The following ZNF652 variants were observed in gnomAD, a reference collection of about 807,000 sequenced individuals.
ZNF652 encodes the protein zinc finger protein 652.
ZNF652 carries 16 observed loss-of-function variants against 45.2 expected under a neutral mutation model. That is an observed-to-expected ratio of 0.35 (90% CI 0.24 to 0.54). The LOEUF (loss-of-function observed/expected upper bound fraction) is 0.54, where lower values mean the gene tolerates loss of function less well. ZNF652 is among the 20% of genes least tolerant of loss of function. The probability of loss-of-function intolerance (pLI) is 0.91; values close to 1 mark genes in which losing one functional copy is unlikely to be tolerated. For missense variants in ZNF652, 614 were observed against 765.6 expected (o/e 0.80, Z 2.34); for synonymous variants, 250 against 260.6 (o/e 0.96, Z 0.39).
At chr17:49,340,354 G>C (rs2070131402) in intron 1 of ZNF652, among the ~76,000 whole-genome samples, 1 of 151,882 alleles carries the variant, frequency 6.6e-6, no homozygotes, top group Non-Finnish European at 1.5e-5. Context: ...TCAGGAGTTT[G>C]AGACCAGCCT....
chr17:49,308,397 G>A (rs1017607033), intron 5 of ZNF652, among the ~76,000 whole-genome samples: 2 of 152,114 alleles, frequency 1.3e-5, no homozygotes, highest in African/African-American at 2.4e-5. Flanking sequence ...GGCTGGTCTC[G>A]AACCTCTGGG....
chr17:49,344,374 G>GA (rs1019972327), intron 1 of ZNF652, among the ~76,000 whole-genome samples: 13 of 150,148 alleles, frequency 8.7e-5, no homozygotes, highest in Admixed American at 2.7e-4. Flanking sequence ...CAAAAAACAA[G>GA]AAAAAAAAAT....
intron 1 of ZNF652, among the ~76,000 whole-genome samples, chr17:49,354,942 T>A (rs1466465959): frequency 1.3e-5 from 2 of 152,152 alleles, no homozygotes; most frequent in East Asian, 3.9e-4. Flanking sequence ...GCCAGGCTGG[T>A]CTCGAACTTC....
At chr17:49,307,647 G>C (rs1330378699) in intron 5 of ZNF652, among the ~76,000 whole-genome samples, 1 of 151,498 alleles carries the variant, frequency 6.6e-6, no homozygotes, top group Non-Finnish European at 1.5e-5. Context: ...AGCTACTCAG[G>C]AGGTTGAAGC....
intron 5 of ZNF652, among the ~76,000 whole-genome samples, chr17:49,302,030 T>C (rs1454138194): frequency 6.6e-6 from 1 of 152,028 alleles, no homozygotes; most frequent in Non-Finnish European, 1.5e-5. Context: ...AGCAGGAGGA[T>C]TGCTTAAACC....
chr17:49,317,612 A>C lies in ZNF652; in HGVS notation c.114T>G (p.His38Gln). Reference protein sequence around the residue: ...RRGQVPSSFYHGANQELDLST... With the variant: ...RRGQVPSSFYQGANQELDLST... ...ACAGGTCAAGTTCTTGGTTGGCACC[A>C]TGATAAAAGGAAGATGGCACTTGAC... Residue 38 changes from histidine to glutamine, a missense_variant, in exon 2 of 6, where the codon CAT (histidine) becomes CAG (glutamine). By Grantham distance (24) the His-to-Gln change is conservative. Around this residue, in one of 5 missense-constraint regions of ZNF652, gnomAD observed 133 missense variants for 132.2 expected, o/e 1.01. Transcript: ENST00000430262. 6.2e-7 allele frequency: 1 copy of C among 1,614,142 alleles called. No individual in the cohort carries two copies. Among genetic ancestry groups the C allele is most frequent in the Non-Finnish European group, 8.5e-7 (1 of 1,180,002 alleles).
chr17:49,298,887 G>A lies in ZNF652; in HGVS notation c.1347C>T (p.Ser449=). 1 of 1,613,054 alleles carries A rather than the reference G, an allele frequency of 6.2e-7. No individual in the cohort carries two copies. Among genetic ancestry groups the A allele is most frequent in the Non-Finnish European group, 8.5e-7 (1 of 1,179,582 alleles). The part of the protein sequence containing the change: ...KPFICEICGK[S]FTSRPNMKRH... ...TCTTCATGTTGGGGCGGCTGGTGAA[G>A]CTTTTGCCACAGATTTCACAGATAA... Residue 449 remains serine (S), a synonymous_variant, in exon 6 of 6, where the codon AGC becomes AGT. Transcript: ENST00000430262.
At chr17:49,357,846 G>A (rs1467221663) in intron 1 of ZNF652, among the ~76,000 whole-genome samples, 1 of 152,198 alleles carries the variant, frequency 6.6e-6, no homozygotes, top group East Asian at 1.9e-4. Flanking sequence ...AGTTCCGCCA[G>A]CCATAGAGCA....
chr17:49,310,125 T>C (rs2069689433), intron 5 of ZNF652, among the ~76,000 whole-genome samples: 1 of 152,162 alleles, frequency 6.6e-6, no homozygotes, highest in Non-Finnish European at 1.5e-5. Flanking sequence ...GGCTAATTTT[T>C]TGTATTTTTA....
intron 1 of ZNF652, among the ~76,000 whole-genome samples, chr17:49,331,119 GTCTTT>G (rs1221082078): frequency 1.5e-5 from 2 of 131,166 alleles, no homozygotes; most frequent in African/African-American, 5.4e-5. Flanking sequence ...TTATGAATGT[GTCTTT>G]TTTTTTTTTT....
chr17:49,342,179 T>C (rs2070154712), intron 1 of ZNF652, among the ~76,000 whole-genome samples: 1 of 149,356 alleles, frequency 6.7e-6, no homozygotes, highest in African/African-American at 2.5e-5. Context: ...AGAGCAAGAC[T>C]CAGTCTCAAA....
At chr17:49,327,538 A>G (rs1272909725) in intron 1 of ZNF652, among the ~76,000 whole-genome samples, 1 of 151,342 alleles carries the variant, frequency 6.6e-6, no homozygotes, top group Non-Finnish European at 1.5e-5. Flanking sequence ...AGGAGTTGGA[A>G]CCATCAAGGT....
In ZNF652 at chr17:49,293,087, T is replaced by G. The variant is rs75904857; in HGVS notation, c.*5326A>C. The stretch of plus-strand genomic sequence containing the variant: ...TACTCATGTGTCTGTCATAAAGAAA[T>G]AAAACAACTCCAGGAACCTGTGACC... On this transcript the variant is annotated 3_prime_UTR_variant, in exon 6 of 6. Coordinates refer to ENST00000430262, the MANE Select transcript of ZNF652 (RefSeq NM_001145365.3). Among the ~76,000 whole-genome samples, 8,941 of 152,062 alleles carry G rather than the reference T, an allele frequency of 0.059. 339 individuals carry two copies. Among genetic ancestry groups the G allele is most frequent in the Middle Eastern group, 0.14 (42 of 294 alleles).
In ZNF652 at chr17:49,296,896, C is replaced by T. The variant is rs910404785; in HGVS notation, c.*1517G>A. The T allele has an allele frequency of 2.0e-5, 3 of 152,150 alleles. No individual in the cohort carries two copies. Among genetic ancestry groups the T allele is most frequent in the Admixed American group, 6.5e-5 (1 of 15,270 alleles). The allele number at this position is 152,150 out of a possible 1,614,324, so 9.4% of individuals were successfully genotyped here. ...ACACTAGCCCTTCTGTTCAGCCTTT[C>T]CTATAATAAGCTCCTGGTTGATTAT... On this transcript the variant is annotated 3_prime_UTR_variant, in exon 6 of 6. Transcript: ENST00000430262.
rs532933358 is a variant in ZNF652 at position 49,317,030 on chromosome 17, T to C, written c.696A>G (p.Ala232=). 6.2e-7 allele frequency: 1 copy of C among 1,614,220 alleles called. No homozygotes were observed. The highest frequency in any genetic ancestry group is 8.5e-7 in the Non-Finnish European group (1 of 1,180,042). The part of the protein sequence containing the change: ...RKKRATKEPK[A]PVQKAKCEEK... ...CTTCACACTTAGCTTTCTGGACTGG[T>C]GCTTTGGGCTCCTTTGTGGCCCGCT... Residue 232 remains alanine, a synonymous_variant, in exon 2 of 6, where the codon GCA becomes GCG. Transcript: ENST00000430262.
chr17:49,327,765 ATATATATATATATATT>A (rs1443875815), intron 1 of ZNF652, among the ~76,000 whole-genome samples: 11 of 4,992 alleles, frequency 2.2e-3, no homozygotes, highest in South Asian at 4.1e-3. Flanking sequence ...ATATATATAT[ATATATATATATATATT>A]TTTTTTTTTT....
At chr17:49,349,639 C>T (rs1452051330) in intron 1 of ZNF652, among the ~76,000 whole-genome samples, 2 of 152,214 alleles carry the variant, frequency 1.3e-5, no homozygotes, top group African/African-American at 2.4e-5. Flanking sequence ...TTGACTACTA[C>T]TCTCAGTTAA....
intron 5 of ZNF652, among the ~76,000 whole-genome samples, chr17:49,301,927 G>C (rs1229504887): frequency 6.6e-6 from 1 of 151,222 alleles, no homozygotes; most frequent in Non-Finnish European, 1.5e-5. Context: ...ATCAATTATA[G>C]TATATTTGTT....
chr17:49,354,648 C>A (rs1422737746), intron 1 of ZNF652, among the ~76,000 whole-genome samples: 2 of 151,242 alleles, frequency 1.3e-5, no homozygotes, highest in African/African-American at 2.4e-5. Flanking sequence ...ACAAAAAAAA[C>A]CTGTCCACTA....
Sources: gnomAD v4.1 joint callset for allele counts (sites outside exome capture counted in the v4.1 genomes callset) on GRCh38, gnomAD v4.1.1 for gene constraint, gnomAD v4.1.1 regional missense constraint, MANE v1.5 for transcripts, NCBI Gene and HGNC (gene_info 2026-07-23, HGNC 2026-07-21) for gene names.